The following CHRM3 variants were observed in gnomAD, a reference collection of about 807,000 sequenced individuals.
The protein encoded by CHRM3 is muscarinic acetylcholine receptor M3.
In CHRM3, 11 loss-of-function variants were observed where a neutral mutation model predicts 41.8. The ratio of observed to expected loss-of-function variants is 0.26; its 90% confidence interval spans 0.17 to 0.44. The LOEUF is 0.44. CHRM3 is among the 20% of genes least tolerant of loss of function. The probability of loss-of-function intolerance (pLI) is 1.00; values close to 1 mark genes in which losing one functional copy is unlikely to be tolerated. For missense variants in CHRM3, 571 were observed against 745.4 expected (o/e 0.77, Z 2.72); for synonymous variants, 297 against 301.4 (o/e 0.99, Z 0.15).
intron 1 of CHRM3, among the ~76,000 whole-genome samples, chr1:239,469,642 T>A (rs1400542324): frequency 6.6e-6 from 1 of 152,102 alleles, no homozygotes; most frequent in East Asian, 1.9e-4. Flanking sequence ...CTGCAACCTC[T>A]GCCTCCCGAG....
Position 239,714,799 on chromosome 1 carries a change from A to T in CHRM3, c.-147+36511A>T, listed in dbSNP as rs1346219751. ...GTGACAAGGAAGGAGGCAAAATTTGATGAGTTTGGGGATTTTAGATGCCTG... is the reference window on the plus strand; with the variant it reads ...GTGACAAGGAAGGAGGCAAAATTTGTTGAGTTTGGGGATTTTAGATGCCTG... On this transcript the variant is annotated intron_variant, in intron 5 of 6. Coordinates refer to ENST00000676153, the MANE Select transcript of CHRM3 (RefSeq NM_001375978.1). Among the ~76,000 whole-genome samples, 4 of 152,248 alleles carry T rather than the reference A, an allele frequency of 2.6e-5. No individual in the cohort carries two copies. The East Asian group carries it at 7.7e-4, about 29-fold the overall frequency.
At chr1:239,855,146 A>G (rs1214438752) in intron 6 of CHRM3, among the ~76,000 whole-genome samples, 1 of 152,180 alleles carries the variant, frequency 6.6e-6, no homozygotes, top group Admixed American at 6.5e-5. Flanking sequence ...CCGTTACTTA[A>G]TAATGCTGAC....
intron 3 of CHRM3, among the ~76,000 whole-genome samples, chr1:239,613,119 A>C (rs1230771638): frequency 6.6e-6 from 1 of 152,206 alleles, no homozygotes; most frequent in Non-Finnish European, 1.5e-5. Context: ...GATGCCCCTC[A>C]TCATTTTCCA....
Position 239,776,509 on chromosome 1 carries a change from C to T in CHRM3, c.-146-50743C>T, listed in dbSNP as rs74382852. ...ACTAGATGCCACACCCCATATTTTC[C>T]TTATCCCCTGGCAGATAGTGAACCT... On this transcript the variant is annotated intron_variant, in intron 5 of 6. Coordinates refer to ENST00000676153, the MANE Select transcript of CHRM3 (RefSeq NM_001375978.1). 3.4e-3 allele frequency among the ~76,000 whole-genome samples: 513 copies of T among 152,190 alleles called. 2 individuals are homozygous for T. Among genetic ancestry groups the T allele is most frequent in the Non-Finnish European group, 4.9e-3 (331 of 68,012 alleles).
intron 5 of CHRM3, among the ~76,000 whole-genome samples, chr1:239,773,560 C>G (rs1284044610): frequency 6.6e-6 from 1 of 152,150 alleles, no homozygotes; most frequent in Non-Finnish European, 1.5e-5. Context: ...ACTGCACTAC[C>G]AGAAATCACA....
At chr1:239,483,268 G>A (rs929977601) in intron 1 of CHRM3, among the ~76,000 whole-genome samples, 10 of 152,318 alleles carry the variant, frequency 6.6e-5, no homozygotes, top group African/African-American at 2.4e-4. Context: ...CAGAAGTGTT[G>A]TCCCAGTAGA....
At chr1:239,667,572 A>C (rs1251048389) in intron 4 of CHRM3, among the ~76,000 whole-genome samples, 1 of 152,182 alleles carries the variant, frequency 6.6e-6, no homozygotes, top group Non-Finnish European at 1.5e-5. Flanking sequence ...AAGATAGGAA[A>C]ATTTAGACTC....
chr1:239,513,900 A>G (rs1669087104), intron 2 of CHRM3, among the ~76,000 whole-genome samples: 1 of 152,152 alleles, frequency 6.6e-6, no homozygotes, highest in Non-Finnish European at 1.5e-5. Context: ...TCTTTGTTCC[A>G]TAGTATTGCA....
chr1:239,440,226 G>A (rs1663607823), intron 1 of CHRM3, among the ~76,000 whole-genome samples: 1 of 149,548 alleles, frequency 6.7e-6, no homozygotes, highest in African/African-American at 2.5e-5. Flanking sequence ...CCTCTCTATA[G>A]GGACATTAAT....
At chr1:239,873,116 G>A (rs181336274) in intron 6 of CHRM3, among the ~76,000 whole-genome samples, 9 of 152,228 alleles carry the variant, frequency 5.9e-5, no homozygotes, top group African/African-American at 1.9e-4. Flanking sequence ...GATGTAGTGT[G>A]TCTATCTGAA....
chr1:239,666,488 G>A (rs748740111), intron 4 of CHRM3, among the ~76,000 whole-genome samples: 8 of 151,866 alleles, frequency 5.3e-5, no homozygotes, highest in South Asian at 2.1e-4. Context: ...CACCGAGCCC[G>A]GCCTGTTACT....
At chr1:239,796,086 T>C (rs1572323550) in intron 5 of CHRM3, among the ~76,000 whole-genome samples, 1 of 152,188 alleles carries the variant, frequency 6.6e-6, no homozygotes, top group East Asian at 1.9e-4. Context: ...GCTATTATAG[T>C]TTATTCTACG....
At chr1:239,542,333 C>G (rs1269475949) in intron 2 of CHRM3, among the ~76,000 whole-genome samples, 1 of 152,032 alleles carries the variant, frequency 6.6e-6, no homozygotes, top group Non-Finnish European at 1.5e-5. Flanking sequence ...AATAGAGAGG[C>G]ACCCCAAATT....
intron 1 of CHRM3, among the ~76,000 whole-genome samples, chr1:239,391,176 A>T (rs983893137): frequency 2.6e-5 from 4 of 152,166 alleles, no homozygotes; most frequent in Admixed American, 1.3e-4. Context: ...TGGTTTGGTG[A>T]AGCAATTGAA....
intron 6 of CHRM3, among the ~76,000 whole-genome samples, chr1:239,892,641 G>T (rs1572613621): frequency 6.6e-6 from 1 of 152,182 alleles, no homozygotes; most frequent in African/African-American, 2.4e-5. Flanking sequence ...AATTATAATA[G>T]ATCTAGTGGG....
chr1:239,583,676 A>G (rs114979361), intron 3 of CHRM3, among the ~76,000 whole-genome samples: 1 of 152,316 alleles, frequency 6.6e-6, no homozygotes, highest in African/African-American at 2.4e-5. Flanking sequence ...CTGAACAGAA[A>G]TATAAGATTT....
chr1:239,637,831 T>C (rs1455859761), intron 4 of CHRM3, among the ~76,000 whole-genome samples: 6 of 151,236 alleles, frequency 4.0e-5, no homozygotes, highest in Admixed American at 2.6e-4. Context: ...GTTACATATG[T>C]ATACATGTGC....
intron 3 of CHRM3, among the ~76,000 whole-genome samples, chr1:239,562,748 C>T (rs574559370): frequency 4.5e-4 from 69 of 151,978 alleles, no homozygotes; most frequent in African/African-American, 1.6e-3. Context: ...ATTAGCTGGG[C>T]GTGGTGGCTG....
intron 3 of CHRM3, among the ~76,000 whole-genome samples, chr1:239,588,030 A>G (rs929256407): frequency 9.2e-5 from 14 of 152,258 alleles, no homozygotes; most frequent in African/African-American, 2.9e-4. Context: ...GATGAGCTAC[A>G]CATCGCTCTG....
Sources: gnomAD v4.1 joint callset for allele counts (sites outside exome capture counted in the v4.1 genomes callset) on GRCh38, gnomAD v4.1.1 for gene constraint, MANE v1.5 for transcripts, NCBI Gene and HGNC (gene_info 2026-07-23, HGNC 2026-07-21) for gene names.